The following COL6A6 variants were observed in gnomAD, a reference collection of about 807,000 sequenced individuals.
COL6A6 encodes collagen alpha-6(VI) chain.
A neutral mutation model predicts 208.6 loss-of-function variants in COL6A6; 183 were observed. The ratio of observed to expected loss-of-function variants is 0.88; its 90% CI spans 0.78 to 0.99. The LOEUF (loss-of-function observed/expected upper bound fraction) is 0.99, where lower values mean the gene tolerates loss of function less well. Ranked by LOEUF, COL6A6 falls within the 50% of genes least tolerant of loss-of-function variation. The pLI, the probability that COL6A6 is intolerant of heterozygous loss-of-function variation, is 0.00. For missense variants in COL6A6, 2,816 were observed against 2,815.2 expected, an observed-to-expected ratio of 1.00 and a Z score of -0.01; for synonymous variants, 973 against 1,011.8, an observed-to-expected ratio of 0.96 and a Z score of 0.73.
intron 33 of COL6A6, among the ~76,000 whole-genome samples, chr3:130,655,715 T>C (rs2065769159): frequency 6.6e-6 from 1 of 152,250 alleles, no homozygotes. Context: ...TTATTTGCAC[T>C]AAGAGCTATT....
At position 130,517,271 on chromosome 3, in the gene COL6A6, G is replaced by T. The variant is rs936293692; in HGVS notation, c.-158G>T. Among the ~76,000 whole-genome samples, 12 of 152,184 alleles carry T rather than the reference G, an allele frequency of 7.9e-5. No individual in the cohort carries two copies. Among genetic ancestry groups the T allele is most frequent in the Non-Finnish European group, 1.8e-4 (12 of 68,038 alleles). The stretch of plus-strand genomic sequence containing the variant: ...TCCGAGGTCTCCACCGTCTCCCCGC[G>T]CGCCGCAGGCGGCACCAAACTCTGC... On this transcript the variant is annotated 5_prime_UTR_variant, in exon 1 of 37. Coordinates refer to ENST00000358511, the MANE Select transcript of COL6A6 (RefSeq NM_001102608.3).
At position 130,566,827 on chromosome 3, in the gene COL6A6, C is replaced by T. The variant is rs1322666468; in HGVS notation, c.1408C>T (p.Pro470Ser). ...GGTGGTAGGGATGTTCAACATTGCT[C>T]CCCATAAGGTGCGGGTTGGGGCCGT... ...SEVVGMFNIAPHKVRVGAVQY... is the reference protein window; with the variant it reads ...SEVVGMFNIASHKVRVGAVQY... The change falls in exon 5 of 37, where the codon CCC (proline) becomes TCC (serine). Residue 470 changes from proline (P) to serine (S), a missense_variant. Coordinates refer to ENST00000358511, the MANE Select transcript of COL6A6 (RefSeq NM_001102608.3). The T allele has an allele frequency of 6.2e-7, 1 of 1,613,998 alleles. No homozygotes were observed. The highest frequency in any genetic ancestry group is 1.7e-5 in the Admixed American group (1 of 60,022).
At chr3:130,607,455 ATAT>A (rs2064217891) in intron 21 of COL6A6, among the ~76,000 whole-genome samples, 1 of 152,222 alleles carries the variant, frequency 6.6e-6, no homozygotes, top group Non-Finnish European at 1.5e-5. Context: ...TGAACCTATA[ATAT>A]TTATGAAAGA....
chr3:130,558,989 C>T (rs907431237), intron 1 of COL6A6, among the ~76,000 whole-genome samples: 1 of 152,152 alleles, frequency 6.6e-6, no homozygotes, highest in African/African-American at 2.4e-5. Context: ...GTTACTTCCC[C>T]TTAAAAGTCT....
At chr3:130,531,049 CACACACACACAG>C (rs1278912240) in intron 1 of COL6A6, among the ~76,000 whole-genome samples, 23 of 89,744 alleles carry the variant, frequency 2.6e-4, no homozygotes, top group African/African-American at 9.4e-4. Flanking sequence ...GACACACACA[CACACACACACAG>C]TCTCTCTCTC....
chr3:130,549,801 A>T (rs190607473), intron 1 of COL6A6, among the ~76,000 whole-genome samples: 1 of 152,222 alleles, frequency 6.6e-6, no homozygotes, highest in Admixed American at 6.5e-5. Flanking sequence ...GCCTTGTAGT[A>T]TAGTTTGAAG....
intron 1 of COL6A6, among the ~76,000 whole-genome samples, chr3:130,552,926 A>C (rs562151616): frequency 2.0e-5 from 3 of 152,230 alleles, no homozygotes; most frequent in Non-Finnish European, 4.4e-5. Flanking sequence ...ACTGAATATG[A>C]AATTCTTGGT....
At position 130,627,377 on chromosome 3, in the gene COL6A6, A is replaced by G. The variant is rs1339795364; in HGVS notation, c.4992+8A>G. 6.2e-7 allele frequency: 1 copy of G among 1,613,278 alleles called. No homozygotes were observed. The highest frequency in any genetic ancestry group is 1.7e-5 in the Admixed American group (1 of 60,022). On this transcript the variant is annotated splice_region_variant and intron_variant, in intron 26 of 36. Transcript: ENST00000358511. ...GGACGCAAGGGAGCAAAGGTAAGTC[A>G]AGTCTGCTGGAAGCTGGACGTTTTC... is the stretch of plus-strand genomic sequence containing the variant.
chr3:130,667,125 C>T (rs1559804747), intron 36 of COL6A6, among the ~76,000 whole-genome samples: 1 of 152,168 alleles, frequency 6.6e-6, no homozygotes, highest in Non-Finnish European at 1.5e-5. Flanking sequence ...ATTAAAGAAA[C>T]TTCTACAGTA....
chr3:130,601,594 C>T (rs896150070), intron 20 of COL6A6, among the ~76,000 whole-genome samples: 20 of 152,158 alleles, frequency 1.3e-4, no homozygotes, highest in Admixed American at 8.5e-4. Flanking sequence ...GTTTTATAGC[C>T]TCCAGGGGCT....
At chr3:130,594,428 A>G (rs2063796463) in intron 18 of COL6A6, 85 bp downstream of exon 18, 4 of 1,037,790 alleles carry the variant, frequency 3.9e-6, no homozygotes, top group Non-Finnish European at 4.4e-6. Context: ...AGGTACTACA[A>G]TAGTAACCCT....
intron 32 of COL6A6, among the ~76,000 whole-genome samples, chr3:130,647,910 A>G (rs2065508142): frequency 6.6e-6 from 1 of 152,192 alleles, no homozygotes; most frequent in Admixed American, 6.5e-5. Flanking sequence ...TGTTATTTCT[A>G]TACCTGTTGC....
At chr3:130,591,332 A>G (rs746859703) in intron 13 of COL6A6, among the ~76,000 whole-genome samples, 32 of 152,184 alleles carry the variant, frequency 2.1e-4, no homozygotes, top group Non-Finnish European at 3.2e-4. Context: ...ATGCGGAAGT[A>G]ACCTCCTTCA....
intron 8 of COL6A6, among the ~76,000 whole-genome samples, chr3:130,576,427 A>T (rs1044081621): frequency 6.6e-6 from 1 of 152,274 alleles, no homozygotes; most frequent in Non-Finnish European, 1.5e-5. Context: ...ATTTGGGACT[A>T]CTGACTCTCT....
chr3:130,642,976 T>C lies in COL6A6; in HGVS notation c.5191-11T>C. The C allele has an allele frequency of 1.2e-6, 2 of 1,613,904 alleles. No individual in the cohort carries two copies. The highest frequency in any genetic ancestry group is 2.2e-5 in the South Asian group (2 of 91,060). Reference sequence around the variant, plus strand: ...TTGTTTAATTGTTTCTGTTTTATTTTCGAACTGCAGACATGTGAGCTCATT... The same window carrying C: ...TTGTTTAATTGTTTCTGTTTTATTTCCGAACTGCAGACATGTGAGCTCATT... On this transcript the variant is annotated splice_polypyrimidine_tract_variant and intron_variant, in intron 30 of 36. Coordinates refer to ENST00000358511, the MANE Select transcript of COL6A6 (RefSeq NM_001102608.3).
In COL6A6 at chr3:130,662,060, T is replaced by C; in HGVS notation, c.6254T>C (p.Ile2085Thr). The C allele has an allele frequency of 6.2e-7, 1 of 1,614,018 alleles. No individual in the cohort carries two copies. The highest frequency in any genetic ancestry group is 1.1e-5 in the South Asian group (1 of 91,086). ...CCCAATCTGAGAAGAAACAAAGTCA[T>C]ATTTGTGATATCTGCTGGGGAAACC... The part of the protein sequence containing the change: ...STPNLRRNKV[I>T]FVISAGETSH... The change falls in exon 35 of 37, where the codon ATA (isoleucine) becomes ACA (threonine). Residue 2085 changes from isoleucine (I) to threonine (T), a missense_variant. Transcript: ENST00000358511.
At chr3:130,519,537 A>AT (rs35140435) in intron 1 of COL6A6, among the ~76,000 whole-genome samples, 3 of 105,468 alleles carry the variant, frequency 2.8e-5, no homozygotes, top group South Asian at 3.7e-4. Context: ...GGCCAAAATT[A>AT]TTTTTTTTCC....
chr3:130,530,348 G>C (rs1204998505), intron 1 of COL6A6, among the ~76,000 whole-genome samples: 1 of 152,070 alleles, frequency 6.6e-6, no homozygotes, highest in Non-Finnish European at 1.5e-5. Flanking sequence ...CAAAACCCTT[G>C]CTCTGTTGCT....
Position 130,586,498 on chromosome 3 carries a change from T to C in COL6A6, c.3971-8T>C, listed in dbSNP as rs1012009676. On this transcript the variant is annotated splice_region_variant and splice_polypyrimidine_tract_variant and intron_variant, in intron 10 of 36. Coordinates refer to ENST00000358511, the MANE Select transcript of COL6A6 (RefSeq NM_001102608.3). The stretch of plus-strand genomic sequence containing the variant: ...CTCACCTGGAACATTGTAAACTGTG[T>C]TGGATAGGCCTGAATGCCCTCATAA... The C allele has an allele frequency of 1.2e-6, 2 of 1,607,260 alleles. No homozygotes were observed.
Sources: allele counts gnomAD v4.1 joint callset (sites outside exome capture counted in the v4.1 genomes callset), GRCh38; gene constraint gnomAD v4.1.1; transcripts MANE v1.5; gene names NCBI Gene and HGNC (gene_info 2026-07-23, HGNC 2026-07-21).